The following ARHGAP24 variants were observed in gnomAD, a reference collection of about 807,000 sequenced individuals.
ARHGAP24 encodes the protein Rho GTPase activating protein 24.
ARHGAP24 carries 50 observed loss-of-function variants against 76.4 expected under a neutral mutation model. The ratio of observed to expected loss-of-function variants is 0.65; its 90% CI spans 0.52 to 0.83. The LOEUF is 0.83. ARHGAP24 is among the 40% of genes least tolerant of loss of function. The probability of loss-of-function intolerance (pLI) is 0.00; values close to 1 mark genes in which losing one functional copy is unlikely to be tolerated. For synonymous variants in ARHGAP24, 345 were observed against 323.3 expected, an observed-to-expected ratio of 1.07 and a Z score of -0.72; for missense variants, 930 against 914.2, an observed-to-expected ratio of 1.02 and a Z score of -0.22.
intron 8 of ARHGAP24, chr4:85,992,284 C>G (rs1740376900): frequency 2.5e-6 from 1 of 392,414 alleles, no homozygotes; most frequent in South Asian, 1.4e-4. Context: ...AAGAAAGTCT[C>G]TTTACAAGGG....
intron 1 of ARHGAP24, among the ~76,000 whole-genome samples, chr4:85,558,929 CA>C (rs753243109): frequency 1.3e-5 from 2 of 152,210 alleles, no homozygotes; most frequent in Non-Finnish European, 2.9e-5. Context: ...AATGATAATG[CA>C]ATCAACAACA....
At chr4:85,526,542 C>T (rs906080182) in intron 1 of ARHGAP24, among the ~76,000 whole-genome samples, 2 of 151,960 alleles carry the variant, frequency 1.3e-5, no homozygotes, top group African/African-American at 4.8e-5. Flanking sequence ...TATCTCAAAG[C>T]CACTATTGAA....
chr4:85,626,945 C>A (rs889838449), intron 2 of ARHGAP24, among the ~76,000 whole-genome samples: 48 of 152,258 alleles, frequency 3.2e-4, no homozygotes, highest in Middle Eastern at 3.4e-3. Flanking sequence ...TTATGGACTT[C>A]TCTGCATTGG....
intron 1 of ARHGAP24, among the ~76,000 whole-genome samples, chr4:85,482,895 G>C (rs1458329243): frequency 6.6e-6 from 1 of 152,066 alleles, no homozygotes; most frequent in Non-Finnish European, 1.5e-5. Flanking sequence ...TCAAATTAAA[G>C]TATCTCACTC....
At chr4:85,933,281 A>T (rs116101482) in intron 4 of ARHGAP24, among the ~76,000 whole-genome samples, 1,827 of 152,068 alleles carry the variant, frequency 0.012, 38 homozygotes, top group African/African-American at 0.041. Context: ...AAATATATAT[A>T]TTTTTTTACT....
intron 3 of ARHGAP24, among the ~76,000 whole-genome samples, chr4:85,883,416 T>A (rs914999365): frequency 6.6e-6 from 1 of 152,136 alleles, no homozygotes; most frequent in African/African-American, 2.4e-5. Flanking sequence ...GTGTGCGGCT[T>A]AGGCTGAAAA....
intron 4 of ARHGAP24, among the ~76,000 whole-genome samples, chr4:85,937,294 G>C (rs1025128120): frequency 1.3e-5 from 2 of 152,144 alleles, no homozygotes; most frequent in African/African-American, 4.8e-5. Flanking sequence ...CAATGTTTTG[G>C]GGGGATAGCT....
intron 3 of ARHGAP24, among the ~76,000 whole-genome samples, chr4:85,759,131 C>T (rs1726637817): frequency 6.6e-6 from 1 of 152,106 alleles, no homozygotes; most frequent in Non-Finnish European, 1.5e-5. Context: ...CCTAATACTG[C>T]TGGAAAAATA....
At chr4:85,818,748 A>T (rs12506184) in intron 3 of ARHGAP24, among the ~76,000 whole-genome samples, 19,015 of 152,194 alleles carry the variant, frequency 0.12, 1,415 homozygotes, top group South Asian at 0.19. Flanking sequence ...TAGGGCTCCA[A>T]TTTCAAATTT....
intron 9 of ARHGAP24, among the ~76,000 whole-genome samples, chr4:85,999,666 T>G (rs1316657091): frequency 2.0e-5 from 3 of 152,208 alleles, no homozygotes; most frequent in African/African-American, 7.2e-5. Context: ...AATACCCCTC[T>G]TTTGAATAAT....
chr4:85,575,163 T>C (rs1383276216), intron 2 of ARHGAP24, among the ~76,000 whole-genome samples: 1 of 152,192 alleles, frequency 6.6e-6, no homozygotes, highest in Non-Finnish European at 1.5e-5. Flanking sequence ...TTAGTTCATC[T>C]AGGAGAAAAC....
intron 3 of ARHGAP24, among the ~76,000 whole-genome samples, chr4:85,896,339 C>T (rs1187510509): frequency 6.6e-6 from 1 of 152,054 alleles, no homozygotes; most frequent in Non-Finnish European, 1.5e-5. Context: ...TCTCTTCTTC[C>T]CTGATCTTGA....
intron 3 of ARHGAP24, among the ~76,000 whole-genome samples, chr4:85,741,604 CAGA>C (rs1214531330): frequency 2.6e-5 from 4 of 152,260 alleles, no homozygotes; most frequent in East Asian, 1.9e-4. Context: ...CTGTGATGAG[CAGA>C]AGAACTCACT....
chr4:85,866,938 G>A (rs1166895152), intron 3 of ARHGAP24, among the ~76,000 whole-genome samples: 1 of 152,022 alleles, frequency 6.6e-6, no homozygotes, highest in Non-Finnish European at 1.5e-5. Context: ...TGCTTTTGTG[G>A]AAAGTCTTTT....
At chr4:85,803,352 A>G (rs529047168) in intron 3 of ARHGAP24, among the ~76,000 whole-genome samples, 1 of 152,320 alleles carries the variant, frequency 6.6e-6, no homozygotes, top group African/African-American at 2.4e-5. Flanking sequence ...AGTGCTAGTA[A>G]TATTGTTCTT....
At chr4:85,831,349 T>C (rs757775458) in intron 3 of ARHGAP24, among the ~76,000 whole-genome samples, 4 of 152,200 alleles carry the variant, frequency 2.6e-5, no homozygotes, top group Non-Finnish European at 5.9e-5. Flanking sequence ...TATTGCAAAG[T>C]TTCCTATTTA....
chr4:85,697,422 TC>T (rs1188813000), intron 2 of ARHGAP24, among the ~76,000 whole-genome samples: 1 of 152,198 alleles, frequency 6.6e-6, no homozygotes, highest in Non-Finnish European at 1.5e-5. Context: ...ATTTTCTTAA[TC>T]CAGCCTATCG....
chr4:85,916,944 G>A (rs1175689218), intron 3 of ARHGAP24, among the ~76,000 whole-genome samples: 1 of 151,728 alleles, frequency 6.6e-6, no homozygotes, highest in Non-Finnish European at 1.5e-5. Context: ...TAAGTTTTAG[G>A]GTACATGTGC....
At chr4:85,702,862 A>G (rs927184332) in intron 2 of ARHGAP24, among the ~76,000 whole-genome samples, 1 of 152,106 alleles carries the variant, frequency 6.6e-6, no homozygotes, top group African/African-American at 2.4e-5. Flanking sequence ...AACTTGTTAT[A>G]AGTGACCCAT....
Sources: gnomAD v4.1 joint callset for allele counts (sites outside exome capture counted in the v4.1 genomes callset) on GRCh38, gnomAD v4.1.1 for gene constraint, MANE v1.5 for transcripts, NCBI Gene and HGNC (gene_info 2026-07-23, HGNC 2026-07-21) for gene names.